The following SKOR1 variants were observed in gnomAD, a reference collection of about 807,000 sequenced individuals.
SKOR1 encodes SKI family transcriptional corepressor 1, also known as LBX1 corepressor 1.
In SKOR1, 38 loss-of-function variants were observed where a neutral mutation model predicts 72.4. The ratio of observed to expected loss-of-function variants is 0.52; its 90% CI spans 0.40 to 0.69. The LOEUF is 0.69. Ranked by LOEUF, SKOR1 falls within the 30% of genes least tolerant of loss-of-function variation. The probability of loss-of-function intolerance (pLI) is 0.00; values close to 1 mark genes in which losing one functional copy is unlikely to be tolerated. For missense variants in SKOR1, 1,320 were observed against 1,343.2 expected, an observed-to-expected ratio of 0.98 and a Z score of 0.27; for synonymous variants, 642 against 599.4, an observed-to-expected ratio of 1.07 and a Z score of -1.04.
Position 67,827,452 on chromosome 15 carries a change from G to T in SKOR1, c.1624G>T (p.Ala542Ser), listed in dbSNP as rs1209882351. Reference sequence around the variant, plus strand: ...AGAGCCCCTGGACGGTGCCGAGCCAGCCAAAGAGAGTGGCCTCGGCGCGGA... The same window carrying T: ...AGAGCCCCTGGACGGTGCCGAGCCATCCAAAGAGAGTGGCCTCGGCGCGGA... ...APEPLDGAEP[A>S]KESGLGAEER... The change falls in exon 2 of 9, where the codon GCC (alanine) becomes TCC (serine). Residue 542 changes from alanine to serine, a missense_variant. Around this residue, in one of 3 missense-constraint regions of SKOR1, gnomAD observed 1,099 missense variants for 1,025.5 expected, o/e 1.07. Transcript: ENST00000380035. 3 of 1,522,570 alleles carry T rather than the reference G, an allele frequency of 2.0e-6. No homozygotes were observed. The African/African-American group carries it at 4.3e-5, about 22-fold the overall frequency. The allele number at this position is 1,522,570 out of a possible 1,614,324, so 94.3% of individuals were successfully genotyped here.
In SKOR1 at chr15:67,826,683, C is replaced by G; in HGVS notation, c.855C>G (p.Gly285=). ...AGCGGACCTTCTCCCTACAAGGAGG[C>G]GGCGGAGGCGGTGCCAATGGCGGGT... ...TRKRTFSLQG[G]GGGGANGGSG... The change falls in exon 2 of 9, where the codon GGC becomes GGG. Residue 285 remains glycine (G), a synonymous_variant. Coordinates refer to ENST00000380035, the MANE Select transcript of SKOR1 (RefSeq NM_001365915.1). 6.4e-7 allele frequency: 1 copy of G among 1,556,370 alleles called. No individual in the cohort carries two copies. Among genetic ancestry groups the G allele is most frequent in the East Asian group, 2.4e-5 (1 of 42,452 alleles).
chr15:67,828,630 T>G (rs1355264236), intron 2 of SKOR1, among the ~76,000 whole-genome samples: 2 of 152,090 alleles, frequency 1.3e-5, no homozygotes, highest in East Asian at 3.9e-4. Context: ...CTCGCAGTTT[T>G]CCGAGTCTCT....
chr15:67,827,681 C>T lies in SKOR1; in HGVS notation c.1853C>T (p.Ala618Val). The change falls in exon 2 of 9, where the codon GCG becomes GTG. Residue 618 changes from alanine (A) to valine (V), a missense_variant. Coordinates refer to ENST00000380035, the MANE Select transcript of SKOR1 (RefSeq NM_001365915.1). ...GGGAGCGCCCGGGAGGCGTACGGCG[C>T]GGGGCCTGCTCGGGGGCCGGGACCC... ...LYGSAREAYG[A>V]GPARGPGPGA... The T allele has an allele frequency of 6.5e-7, 1 of 1,534,892 alleles. No homozygotes were observed. The highest frequency in any genetic ancestry group is 8.8e-7 in the Non-Finnish European group (1 of 1,141,818).
intron 2 of SKOR1, among the ~76,000 whole-genome samples, chr15:67,828,734 G>A (rs1047904056): frequency 2.0e-5 from 3 of 152,142 alleles, no homozygotes; most frequent in Non-Finnish European, 4.4e-5. Flanking sequence ...AGCTGGCAGG[G>A]CCGGGGCTTG....
Position 67,827,750 on chromosome 15 carries a change from A to G in SKOR1, c.1922A>G (p.Glu641Gly). The change falls in exon 2 of 9, where the codon GAG becomes GGG. Residue 641 changes from glutamate to glycine, a missense_variant. This residue lies in a region of SKOR1 where 1,099 missense variants were observed against 1,025.5 expected (regional missense o/e 1.07). Transcript: ENST00000380035. ...GGYVSPDFLS[E>G]GSSSYNSASP... ...TACGTGAGCCCGGACTTTCTGAGCG[A>G]GGGCAGCTCCAGCTACAATTCCGCC... 7 of 1,550,250 alleles carry G rather than the reference A, an allele frequency of 4.5e-6. No individual in the cohort carries two copies. The highest frequency in any genetic ancestry group is 6.1e-6 in the Non-Finnish European group (7 of 1,146,762).
chr15:67,829,332 A>G, intron 3 of SKOR1, 63 bp downstream of exon 3: 1 of 1,364,418 alleles, frequency 7.3e-7, no homozygotes, highest in Non-Finnish European at 9.9e-7. Flanking sequence ...GGCCGGGGTC[A>G]AGGAAGGCCT....
chr15:67,833,685 C>T lies in SKOR1; in HGVS notation c.2804-57C>T, dbSNP rs1248725311. On this transcript the variant is annotated intron_variant, in intron 8 of 8. Coordinates refer to ENST00000380035, the MANE Select transcript of SKOR1 (RefSeq NM_001365915.1). The surrounding 1 kb of genome is among the most constrained non-coding windows in gnomAD (Gnocchi z 6.0). Reference sequence around the variant, plus strand: ...GCCGGGGAGGGGAAAGGGTGGACTGCGCGGTGAGGTGAGCCTGGAGAGGCG... The same window carrying T: ...GCCGGGGAGGGGAAAGGGTGGACTGTGCGGTGAGGTGAGCCTGGAGAGGCG... 1.0e-5 allele frequency: 16 copies of T among 1,548,036 alleles called. No homozygotes were observed. The Admixed American group carries it at 1.2e-4, about 11-fold the overall frequency.
Position 67,827,490 on chromosome 15 carries a change from G to A in SKOR1, c.1662G>A (p.Pro554=). The A allele has an allele frequency of 3.9e-6, 6 of 1,521,732 alleles. No individual in the cohort carries two copies. The highest frequency in any genetic ancestry group is 5.3e-6 in the Non-Finnish European group (6 of 1,141,898). 94.3% of individuals were successfully genotyped at this position (1,521,732 alleles called of 1,614,324 possible). A position where few individuals can be genotyped will look rare whatever the true frequency, so the allele number is the denominator to read the frequency against. ...ESGLGAEERC[P]SALSRGPLDE... ...GCCTCGGCGCGGAGGAGCGCTGCCC[G>A]AGCGCTCTGTCCCGCGGGCCCCTGG... The change falls in exon 2 of 9, where the codon CCG becomes CCA. Residue 554 remains proline (P), a synonymous_variant. Coordinates refer to ENST00000380035, the MANE Select transcript of SKOR1 (RefSeq NM_001365915.1).
In SKOR1 at chr15:67,827,141, C is replaced by CG; in HGVS notation, c.1319dup (p.Ala443SerfsTer165). 2 of 1,350,860 alleles carry CG rather than the reference C, an allele frequency of 1.5e-6. No individual in the cohort carries two copies. The highest frequency in any genetic ancestry group is 1.9e-6 in the Non-Finnish European group (2 of 1,060,144). The allele number at this position is 1,350,860 out of a possible 1,614,324, so 83.7% of individuals were successfully genotyped here. A position where few individuals can be genotyped will look rare whatever the true frequency, so the allele number is the denominator to read the frequency against. On this transcript the variant is annotated frameshift_variant, in exon 2 of 9. Transcript: ENST00000380035. LOFTEE classifies it high-confidence loss of function. ...GGCGGCGCGGGGACAGGCGGGGGTG[C>CG]GGGGGGCCCGGGAGCCAGCCACTTG...
chr15:67,825,760 G>A lies in SKOR1; in HGVS notation c.107+51G>A, dbSNP rs186546621. ...CAAGCCCCGGGGGCTGTTGTTAACG[G>A]CGCCAACATGGGTCTGAGTAACAAA... On this transcript the variant is annotated intron_variant, in intron 1 of 8. Coordinates refer to ENST00000380035, the MANE Select transcript of SKOR1 (RefSeq NM_001365915.1). The surrounding 1 kb of genome is among the most constrained non-coding windows in gnomAD (Gnocchi z 5.6). 44 of 1,178,296 alleles carry A rather than the reference G, an allele frequency of 3.7e-5. No homozygotes were observed. In the African/African-American group the frequency reaches 5.5e-4, roughly 15 times the overall value. 73.0% of individuals were successfully genotyped at this position (1,178,296 alleles called of 1,614,324 possible).
chr15:67,827,565 C>A lies in SKOR1; in HGVS notation c.1737C>A (p.Pro579=), dbSNP rs1237673598. 2.0e-6 allele frequency: 3 copies of A among 1,517,876 alleles called. No homozygotes were observed. The highest frequency in any genetic ancestry group is 1.8e-6 in the Non-Finnish European group (2 of 1,140,236). 94.0% of individuals were successfully genotyped at this position (1,517,876 alleles called of 1,614,324 possible). A position where few individuals can be genotyped will look rare whatever the true frequency, so the allele number is the denominator to read the frequency against. ...EALPPPLAPL[P]PPPPPPARKG... ...TGCCACCGCCCCTGGCCCCGTTGCC[C>A]CCGCCGCCCCCGCCGCCCGCACGCA... Residue 579 remains proline (P), a synonymous_variant, in exon 2 of 9, where the codon CCC becomes CCA. Coordinates refer to ENST00000380035, the MANE Select transcript of SKOR1 (RefSeq NM_001365915.1).
At position 67,826,143 on chromosome 15, in the gene SKOR1, C is replaced by T. The variant is rs2090956821; in HGVS notation, c.315C>T (p.Asn105=). Residue 105 remains asparagine (N), a synonymous_variant, in exon 2 of 9, where the codon AAC becomes AAT. Coordinates refer to ENST00000380035, the MANE Select transcript of SKOR1 (RefSeq NM_001365915.1). ...QERLCLAQIS[N]TLLKNYSYNE... is the part of the protein sequence containing the mutation. ...GCCTATGCCTGGCGCAGATCTCCAA[C>T]ACCCTCCTCAAGAACTACAGCTATA... 6.2e-7 allele frequency: 1 copy of T among 1,607,848 alleles called. No individual in the cohort carries two copies. The highest frequency in any genetic ancestry group is 8.5e-7 in the Non-Finnish European group (1 of 1,175,440).
chr15:67,829,618 G>A (rs2090992524), intron 3 of SKOR1, among the ~76,000 whole-genome samples: 1 of 152,246 alleles, frequency 6.6e-6, no homozygotes, highest in South Asian at 2.1e-4. Flanking sequence ...GGCTAGGCCG[G>A]ATCGGGGCGG....
At chr15:67,828,203 G>A (rs1039612552) in intron 2 of SKOR1, 59 bp downstream of exon 2, 20 of 1,369,334 alleles carry the variant, frequency 1.5e-5, no homozygotes, top group African/African-American at 3.1e-5. Context: ...GCGCGGCAGG[G>A]CTGCGGGGCC....
In SKOR1 at chr15:67,826,654, C is replaced by A. The variant is rs770157103; in HGVS notation, c.826C>A (p.Arg276Ser). The A allele has an allele frequency of 4.4e-6, 7 of 1,606,140 alleles. No homozygotes were observed. The South Asian group carries it at 6.6e-5, about 15-fold the overall frequency. ...CAAGGCCATGTTTAATGGCGGCACG[C>A]GCAAGCGGACCTTCTCCCTACAAGG... ...DVKAMFNGGT[R>S]KRTFSLQGGG... The change falls in exon 2 of 9, where the codon CGC becomes AGC. Residue 276 changes from arginine (R) to serine (S), a missense_variant. Transcript: ENST00000380035.
intron 2 of SKOR1, among the ~76,000 whole-genome samples, chr15:67,828,518 G>A (rs1048181285): frequency 2.0e-5 from 3 of 152,200 alleles, no homozygotes; most frequent in Admixed American, 6.5e-5. Context: ...TCGCCCGGGT[G>A]GGCATCAGAG....
chr15:67,827,656 G>T lies in SKOR1; in HGVS notation c.1828G>T (p.Gly610Trp), dbSNP rs1474634164. ...KDTESIAKLY[G>W]SAREAYGAGP... ...CACCGAGAGCATCGCTAAGCTCTAC[G>T]GGAGCGCCCGGGAGGCGTACGGCGC... Residue 610 changes from glycine (G) to tryptophan (W), a missense_variant, in exon 2 of 9, where the codon GGG (glycine) becomes TGG (tryptophan). Transcript: ENST00000380035. 2 of 1,531,690 alleles carry T rather than the reference G, an allele frequency of 1.3e-6. No homozygotes were observed. The highest frequency in any genetic ancestry group is 1.7e-6 in the Non-Finnish European group (2 of 1,142,880). 94.9% of individuals were successfully genotyped at this position (1,531,690 alleles called of 1,614,324 possible).
intron 2 of SKOR1, 38 bp from the exon 3 acceptor site, chr15:67,829,141 C>A (rs746032361): frequency 1.3e-6 from 2 of 1,499,876 alleles, no homozygotes; most frequent in Non-Finnish European, 1.8e-6. Flanking sequence ...CGCCGCAGGG[C>A]GCCACCCTAA....
chr15:67,830,017 G>A (rs1025464123), intron 3 of SKOR1, among the ~76,000 whole-genome samples, 174 bp from the exon 4 acceptor site: 4 of 152,230 alleles, frequency 2.6e-5, no homozygotes, highest in African/African-American at 7.2e-5. Context: ...CAGGCGCGGG[G>A]GTGGGGGGTG....
Sources: gnomAD v4.1 joint callset for allele counts (sites outside exome capture counted in the v4.1 genomes callset) on GRCh38, gnomAD v4.1.1 for gene constraint, gnomAD v4.1.1 regional missense constraint, Gnocchi (gnomAD v3.1) non-coding constraint, MANE v1.5 for transcripts, NCBI Gene and HGNC (gene_info 2026-07-23, HGNC 2026-07-21) for gene names.